Variants in PCDH15 observed in about 807,000 individuals in gnomAD.
PCDH15 encodes the protein protocadherin-15.
PCDH15 carries 129 observed loss-of-function variants against 178.5 expected under a neutral mutation model. That is an observed-to-expected ratio of 0.72 (90% CI 0.63 to 0.84). The LOEUF is 0.84. PCDH15 is among the 40% of genes least tolerant of loss of function. The probability of loss-of-function intolerance (pLI) is 0.00; values close to 1 mark genes in which losing one functional copy is unlikely to be tolerated. For missense variants in PCDH15, 2,230 were observed against 2,099.9 expected (o/e 1.06, Z -1.21); for synonymous variants, 800 against 732.0 (o/e 1.09, Z -1.50).
At chr10:55,254,136 T>C (rs1021473870) in intron 1 of PCDH15, among the ~76,000 whole-genome samples, 2 of 152,224 alleles carry the variant, frequency 1.3e-5, no homozygotes, top group Non-Finnish European at 2.9e-5. Flanking sequence ...TTTATAAGTT[T>C]GATGCATATT....
intron 2 of PCDH15, 48 bp from the exon 3 acceptor site, chr10:54,527,925 CACAA>C (rs1565511478): frequency 6.8e-7 from 1 of 1,467,734 alleles, no homozygotes; most frequent in South Asian, 1.2e-5. Flanking sequence ...CAGGGGCACA[CACAA>C]TGAGAAAAAA....
intron 3 of PCDH15, among the ~76,000 whole-genome samples, chr10:54,385,200 C>A (rs1949769710): frequency 3.9e-5 from 6 of 151,964 alleles, no homozygotes; most frequent in Admixed American, 3.9e-4. Flanking sequence ...TTTTTTAGTA[C>A]CTCTAGGAGA....
intron 2 of PCDH15, among the ~76,000 whole-genome samples, chr10:55,469,444 AT>A (rs1839910332): frequency 6.6e-6 from 1 of 152,114 alleles, no homozygotes; most frequent in Admixed American, 6.5e-5. Context: ...ATAGAAATAC[AT>A]TTCTAATTTT....
intron 2 of PCDH15, among the ~76,000 whole-genome samples, chr10:54,639,143 G>A (rs1178051393): frequency 6.6e-6 from 1 of 152,072 alleles, no homozygotes; most frequent in Non-Finnish European, 1.5e-5. Flanking sequence ...AGCTGTGCTT[G>A]ATGTTTTCTT....
chr10:54,603,851 A>G (rs2092641179), intron 2 of PCDH15, among the ~76,000 whole-genome samples: 1 of 151,932 alleles, frequency 6.6e-6, no homozygotes, highest in Non-Finnish European at 1.5e-5. Context: ...GCCTAGAGAG[A>G]GGTTGTTTGA....
At chr10:55,403,692 A>G (rs1246654412) in intron 2 of PCDH15, among the ~76,000 whole-genome samples, 1 of 151,874 alleles carries the variant, frequency 6.6e-6, no homozygotes, top group African/African-American at 2.4e-5. Flanking sequence ...GTCTGTTTTT[A>G]TAGCAATACC....
intron 9 of PCDH15, among the ~76,000 whole-genome samples, chr10:54,220,998 C>G (rs1263121019): frequency 6.6e-6 from 1 of 151,920 alleles, no homozygotes; most frequent in East Asian, 1.9e-4. Flanking sequence ...TTTCATTATA[C>G]ACAATGTTTA....
chr10:53,943,795 C>G (rs1039984622), intron 23 of PCDH15, among the ~76,000 whole-genome samples: 1 of 152,068 alleles, frequency 6.6e-6, no homozygotes, highest in African/African-American at 2.4e-5. Context: ...AAACACTATA[C>G]AAATACAATC....
At chr10:55,601,458 A>G (rs574529321) in intron 2 of PCDH15, among the ~76,000 whole-genome samples, 1 of 152,182 alleles carries the variant, frequency 6.6e-6, no homozygotes, top group African/African-American at 2.4e-5. Context: ...CGTAAAAGAC[A>G]GGAGCCAGGA....
rs1032468532 is a variant in PCDH15 at position 54,564,750 on chromosome 10, T to C, written c.92-36873A>G. Among the ~76,000 whole-genome samples the C allele has an allele frequency of 5.9e-5, 9 of 152,150 alleles. No individual in the cohort carries two copies. In the East Asian group the frequency reaches 1.7e-3, roughly 29 times the overall value. ...GTCTTTGTTATCAATAAAATGGGAATATAATTCTATCTCTTTGTATTGTTA... is the reference window on the plus strand; with the variant it reads ...GTCTTTGTTATCAATAAAATGGGAACATAATTCTATCTCTTTGTATTGTTA... On this transcript the variant is annotated intron_variant, in intron 2 of 37. Coordinates refer to ENST00000644397, the MANE Select transcript of PCDH15 (RefSeq NM_001384140.1).
chr10:54,002,959 T>C (rs368789575), intron 20 of PCDH15, among the ~76,000 whole-genome samples: 42 of 152,294 alleles, frequency 2.8e-4, no homozygotes, highest in African/African-American at 9.9e-4. Flanking sequence ...CAATAAACTG[T>C]GCTGCTGCTC....
intron 17 of PCDH15, among the ~76,000 whole-genome samples, chr10:54,070,758 T>C (rs2094225822): frequency 6.6e-6 from 1 of 151,518 alleles, no homozygotes; most frequent in South Asian, 2.1e-4. Flanking sequence ...CCCAGCTAAT[T>C]TTTATTTCTT....
At chr10:55,494,878 C>A (rs1305903788) in intron 2 of PCDH15, among the ~76,000 whole-genome samples, 1 of 151,662 alleles carries the variant, frequency 6.6e-6, no homozygotes, top group Admixed American at 6.6e-5. Flanking sequence ...AGACTTACTA[C>A]AATGTTACAG....
At chr10:55,179,213 C>G (rs1442119116) in intron 1 of PCDH15, among the ~76,000 whole-genome samples, 1 of 152,030 alleles carries the variant, frequency 6.6e-6, no homozygotes, top group African/African-American at 2.4e-5. Flanking sequence ...AGCTGTTTTC[C>G]CAAAACAATT....
At chr10:55,203,704 A>C (rs1840315061) in intron 1 of PCDH15, among the ~76,000 whole-genome samples, 1 of 152,098 alleles carries the variant, frequency 6.6e-6, no homozygotes, top group African/African-American at 2.4e-5. Flanking sequence ...TTTCCCAAGA[A>C]GACTAAGTAG....
At chr10:55,372,123 T>C (rs1845520890) in intron 2 of PCDH15, among the ~76,000 whole-genome samples, 1 of 152,112 alleles carries the variant, frequency 6.6e-6, no homozygotes, top group South Asian at 2.1e-4. Context: ...AATCATCCCA[T>C]CCATGCTCCC....
intron 1 of PCDH15, among the ~76,000 whole-genome samples, chr10:54,721,860 C>G (rs915957359): frequency 1.6e-4 from 24 of 151,964 alleles, no homozygotes; most frequent in Admixed American, 1.5e-3. Context: ...TCCTCCTTCT[C>G]TCTTTTAACA....
At chr10:55,308,056 A>T (rs1328993881) in intron 1 of PCDH15, among the ~76,000 whole-genome samples, 1 of 152,204 alleles carries the variant, frequency 6.6e-6, no homozygotes, top group Non-Finnish European at 1.5e-5. Flanking sequence ...AAATTACTTT[A>T]AAAAGTTTAT....
At chr10:54,385,628 G>T (rs1348742627) in intron 3 of PCDH15, among the ~76,000 whole-genome samples, 1 of 152,038 alleles carries the variant, frequency 6.6e-6, no homozygotes, top group Non-Finnish European at 1.5e-5. Flanking sequence ...TTTCTGATAG[G>T]CTTATCATTT....
Sources: gnomAD v4.1 joint callset for allele counts (sites outside exome capture counted in the v4.1 genomes callset) on GRCh38, gnomAD v4.1.1 for gene constraint, MANE v1.5 for transcripts, NCBI Gene and HGNC (gene_info 2026-07-23, HGNC 2026-07-21) for gene names.